The following TBC1D2 variants were observed in gnomAD, a reference collection of about 807,000 sequenced individuals.
TBC1D2 encodes the protein TBC1 domain family member 2.
Under a neutral mutation model 91.1 loss-of-function variants are expected in TBC1D2, and 58 were observed. That is an observed-to-expected ratio of 0.64 (90% CI 0.52 to 0.79). The LOEUF is 0.79. TBC1D2 is among the 30% of genes least tolerant of loss of function. TBC1D2 has a pLI of 0.00. For synonymous variants in TBC1D2, 482 were observed against 511.5 expected, an observed-to-expected ratio of 0.94 and a Z score of 0.78; for missense variants, 1,080 against 1,208.3, an observed-to-expected ratio of 0.89 and a Z score of 1.57.
At chr9:98,252,315 G>A (rs547889426) in intron 1 of TBC1D2, among the ~76,000 whole-genome samples, 2 of 152,320 alleles carry the variant, frequency 1.3e-5, no homozygotes, top group African/African-American at 4.8e-5. Context: ...TCTGATATGC[G>A]TGGGGTCCTG....
rs1395032274 is a variant in TBC1D2 at position 98,208,804 on chromosome 9, G to C, written c.2014C>G (p.Leu672Val). Residue 672 changes from leucine (L) to valine (V), a missense_variant, in exon 9 of 13, where the codon CTG becomes GTG. Coordinates refer to ENST00000465784, the MANE Select transcript of TBC1D2 (RefSeq NM_001267571.2). ...REHPAARQIELDLNRTFPNNK... is the reference protein window; with the variant it reads ...REHPAARQIEVDLNRTFPNNK... ...TTGGGGAAGGTCCGGTTCAGGTCCA[G>C]CTCAATCTGGCGGGCAGCAGGGTGC... 2 of 1,601,976 alleles carry C rather than the reference G, an allele frequency of 1.2e-6. No homozygotes were observed. The highest frequency in any genetic ancestry group is 3.4e-5 in the Admixed American group (2 of 59,558).
chr9:98,255,278 ATTGG>A lies in TBC1D2; in HGVS notation c.260_263del (p.Ala87ValfsTer35), dbSNP rs1233218455. 6.2e-7 allele frequency: 1 copy of A among 1,614,094 alleles called. No individual in the cohort carries two copies. Among genetic ancestry groups the A allele is most frequent in the East Asian group, 2.2e-5 (1 of 44,888 alleles). ...TGGAGAGGTCGATGCTGTCCAAGGG[ATTGG>A]CATCCTGAGCGGTCCGCGAGTAATA... On this transcript the variant is annotated frameshift_variant, in exon 1 of 13. Coordinates refer to ENST00000465784, the MANE Select transcript of TBC1D2 (RefSeq NM_001267571.2). LOFTEE classifies it high-confidence loss of function.
At chr9:98,234,743 C>T (rs2119147319) in intron 3 of TBC1D2, 1 of 153,196 alleles carries the variant, frequency 6.5e-6, no homozygotes, top group South Asian at 2.0e-4. Flanking sequence ...TGTACTAGTT[C>T]CATTTGCTCT....
intron 3 of TBC1D2, among the ~76,000 whole-genome samples, chr9:98,234,527 G>A (rs1480987711): frequency 6.6e-6 from 1 of 152,224 alleles, no homozygotes; most frequent in Non-Finnish European, 1.5e-5. Context: ...TTAGTGTCAT[G>A]ACCAGCATTT....
Position 98,208,908 on chromosome 9 carries a change from C to T in TBC1D2, c.1910G>A (p.Trp637Ter). 2 of 1,614,136 alleles carry T rather than the reference C, an allele frequency of 1.2e-6. No individual in the cohort carries two copies. Among genetic ancestry groups the T allele is most frequent in the Non-Finnish European group, 1.7e-6 (2 of 1,180,018 alleles). Residue 637 changes from tryptophan to a stop codon, truncating the protein, a stop_gained, in exon 9 of 13, where the codon TGG (tryptophan) becomes TAG (stop). Coordinates refer to ENST00000465784, the MANE Select transcript of TBC1D2 (RefSeq NM_001267571.2). LOFTEE classifies it high-confidence loss of function. ...GTGCTGGACACGGAGGTGGACCAGC[C>T]ACCTCCAGACACGAGGCCGGTGTTC... ...PREHRPRVWR[W>*]LVHLRVQHLH...
chr9:98,235,345 A>G (rs1829478349), intron 3 of TBC1D2: 1 of 435,980 alleles, frequency 2.3e-6, no homozygotes, highest in African/African-American at 2.1e-5. Flanking sequence ...GAAATGAGCT[A>G]CGTAATCTAG....
At chr9:98,242,218 A>G (rs1829655527) in intron 3 of TBC1D2, among the ~76,000 whole-genome samples, 1 of 152,038 alleles carries the variant, frequency 6.6e-6, no homozygotes, top group Admixed American at 6.6e-5. Flanking sequence ...GAGGTGGGCA[A>G]ACCACGAGGT....
intron 4 of TBC1D2, among the ~76,000 whole-genome samples, chr9:98,231,178 C>T (rs12237988): frequency 0.14 from 21,741 of 151,662 alleles, 1,772 homozygotes; most frequent in Non-Finnish European, 0.18. Flanking sequence ...TCAATCAGTG[C>T]CCTGGATTTC....
intron 1 of TBC1D2, among the ~76,000 whole-genome samples, chr9:98,252,386 T>C (rs1829890959): frequency 6.6e-6 from 1 of 152,088 alleles, no homozygotes; most frequent in Non-Finnish European, 1.5e-5. Context: ...GGAATAGGAG[T>C]AATCCTTGCC....
intron 4 of TBC1D2, among the ~76,000 whole-genome samples, chr9:98,231,339 T>C (rs1450506262): frequency 6.8e-6 from 1 of 147,810 alleles, no homozygotes; most frequent in Non-Finnish European, 1.5e-5. Flanking sequence ...AAAAAGAATT[T>C]AGGTGTTTTT....
At chr9:98,224,319 G>A (rs1241988607) in intron 5 of TBC1D2, among the ~76,000 whole-genome samples, 1 of 105,884 alleles carries the variant, frequency 9.4e-6, no homozygotes, top group East Asian at 2.7e-4. Context: ...GTCTCACTCT[G>A]TTGCCCAGGC....
chr9:98,229,832 G>A (rs537640242), intron 4 of TBC1D2, among the ~76,000 whole-genome samples: 3 of 152,232 alleles, frequency 2.0e-5, no homozygotes, highest in South Asian at 2.1e-4. Flanking sequence ...ATTAGAACAC[G>A]GCCATGCCCA....
chr9:98,205,640 T>C (rs1200963438), intron 9 of TBC1D2, among the ~76,000 whole-genome samples: 2 of 152,124 alleles, frequency 1.3e-5, no homozygotes, highest in African/African-American at 4.8e-5. Flanking sequence ...TCTGCCTCCT[T>C]ATCACCTCAG....
chr9:98,255,354 C>T lies in TBC1D2; in HGVS notation c.188G>A (p.Gly63Asp), dbSNP rs1829952546. The change falls in exon 1 of 13, where the codon GGC becomes GAC. Residue 63 changes from glycine (G) to aspartate (D), a missense_variant. Physicochemically the swap from Gly to Asp is moderately conservative, Grantham distance 94 (BLOSUM62 -1). Coordinates refer to ENST00000465784, the MANE Select transcript of TBC1D2 (RefSeq NM_001267571.2). ...GTAGAAGAACCAGCGGGATTTCCAGCCCCGGATGGGCCCTTTGCCGCCGAA... is the reference window on the plus strand; with the variant it reads ...GTAGAAGAACCAGCGGGATTTCCAGTCCCGGATGGGCCCTTTGCCGCCGAA... ...SKFGGKGPIR[G>D]WKSRWFFYDE... 9 of 1,614,270 alleles carry T rather than the reference C, an allele frequency of 5.6e-6. No individual in the cohort carries two copies. Among genetic ancestry groups the T allele is most frequent in the Non-Finnish European group, 7.6e-6 (9 of 1,180,040 alleles).
intron 4 of TBC1D2, among the ~76,000 whole-genome samples, chr9:98,232,807 CAT>C (rs922984112): frequency 2.6e-5 from 4 of 152,282 alleles, no homozygotes; most frequent in African/African-American, 9.6e-5. Flanking sequence ...CATTTTATCA[CAT>C]GTGTACATTT....
intron 9 of TBC1D2, among the ~76,000 whole-genome samples, 199 bp downstream of exon 9, chr9:98,208,469 C>T (rs919791807): frequency 3.3e-5 from 5 of 152,170 alleles, no homozygotes; most frequent in South Asian, 4.1e-4. Flanking sequence ...ATAGGGTTCA[C>T]GCTCCTGTGA....
chr9:98,241,714 C>G (rs968067882), intron 3 of TBC1D2, among the ~76,000 whole-genome samples: 8 of 152,098 alleles, frequency 5.3e-5, no homozygotes, highest in Admixed American at 4.6e-4. Context: ...CTTCTCAGGC[C>G]CCCTCTCTAC....
rs1829288305 is a variant in TBC1D2 at position 98,228,551 on chromosome 9, G to A, written c.978+401C>T. Among the ~76,000 whole-genome samples, 1 of 152,178 alleles carries A rather than the reference G, an allele frequency of 6.6e-6. No individual in the cohort carries two copies. The highest frequency in any genetic ancestry group is 2.4e-5 in the African/African-American group (1 of 41,446). ...GTGACAGTCTTGTGACGGTCATTCAGATATCTGTGCCCAGATATCGGCTGC... is the reference window on the plus strand; with the variant it reads ...GTGACAGTCTTGTGACGGTCATTCAAATATCTGTGCCCAGATATCGGCTGC... On this transcript the variant is annotated intron_variant, in intron 5 of 12. Coordinates refer to ENST00000465784, the MANE Select transcript of TBC1D2 (RefSeq NM_001267571.2). The surrounding 1 kb of genome is among the most constrained non-coding windows in gnomAD (Gnocchi z 4.0).
intron 6 of TBC1D2, among the ~76,000 whole-genome samples, chr9:98,218,511 G>A (rs1829022441): frequency 1.3e-5 from 2 of 152,066 alleles, no homozygotes; most frequent in Admixed American, 1.3e-4. Context: ...AGCTTGCAGT[G>A]AGCCGAGACC....
Sources: gnomAD v4.1 joint callset for allele counts (sites outside exome capture counted in the v4.1 genomes callset) on GRCh38, gnomAD v4.1.1 for gene constraint, Gnocchi (gnomAD v3.1) non-coding constraint, MANE v1.5 for transcripts, NCBI Gene and HGNC (gene_info 2026-07-23, HGNC 2026-07-21) for gene names.